CPA6: variants seen among roughly 807,000 people sequenced by gnomAD.
CPA6 encodes the protein carboxypeptidase A6.
Under a neutral mutation model 63.3 loss-of-function variants are expected in CPA6, and 58 were observed. The observed-to-expected ratio is 0.92, with a 90% CI of 0.74 to 1.14. The LOEUF is 1.14. Ranked by LOEUF, CPA6 falls within the 50% of genes most tolerant of loss-of-function variation. CPA6 has a pLI of 0.00. For missense variants in CPA6, 565 were observed against 526.6 expected, an observed-to-expected ratio of 1.07 and a Z score of -0.71; for synonymous variants, 185 against 179.0, an observed-to-expected ratio of 1.03 and a Z score of -0.27.
At chr8:67,616,802 T>C (rs569829189) in intron 2 of CPA6, among the ~76,000 whole-genome samples, 5 of 152,228 alleles carry the variant, frequency 3.3e-5, no homozygotes, top group African/African-American at 1.2e-4. Flanking sequence ...CCCAAGTAAA[T>C]AAGCCTATCC....
chr8:67,725,908 A>C (rs2129002383), intron 1 of CPA6, among the ~76,000 whole-genome samples: 1 of 152,350 alleles, frequency 6.6e-6, no homozygotes, highest in African/African-American at 2.4e-5. Context: ...AATTTTAGAT[A>C]TGTATGCTAC....
intron 1 of CPA6, among the ~76,000 whole-genome samples, chr8:67,681,296 G>A (rs1212045725): frequency 7.2e-6 from 1 of 139,448 alleles, no homozygotes; most frequent in East Asian, 2.1e-4. Flanking sequence ...TGCAAGCTCC[G>A]CTTCCCGGGT....
At chr8:67,665,385 A>G (rs1816203893) in intron 1 of CPA6, among the ~76,000 whole-genome samples, 3 of 152,216 alleles carry the variant, frequency 2.0e-5, no homozygotes, top group Non-Finnish European at 1.5e-5. Context: ...ATTGAGTAGT[A>G]TGACTCCAAC....
intron 2 of CPA6, among the ~76,000 whole-genome samples, chr8:67,623,270 C>T (rs1563365860): frequency 6.6e-6 from 1 of 152,174 alleles, no homozygotes; most frequent in Non-Finnish European, 1.5e-5. Flanking sequence ...AATAACAAAA[C>T]CATGTATTGA....
At chr8:67,450,799 T>C (rs906876671) in intron 8 of CPA6, among the ~76,000 whole-genome samples, 1 of 152,204 alleles carries the variant, frequency 6.6e-6, no homozygotes, top group Non-Finnish European at 1.5e-5. Flanking sequence ...TTTCTTTAGG[T>C]AAGCTTGGGG....
At chr8:67,497,498 T>C (rs974656606) in intron 6 of CPA6, among the ~76,000 whole-genome samples, 2 of 152,178 alleles carry the variant, frequency 1.3e-5, no homozygotes, top group Non-Finnish European at 1.5e-5. Flanking sequence ...TATTCATCAG[T>C]TGATGGCCAC....
At chr8:67,551,949 AG>A (rs1265903918) in intron 2 of CPA6, among the ~76,000 whole-genome samples, 2 of 152,232 alleles carry the variant, frequency 1.3e-5, no homozygotes, top group African/African-American at 4.8e-5. Flanking sequence ...TGAAATGGGC[AG>A]TGAAGAATTC....
chr8:67,721,825 A>G (rs1817506201), intron 1 of CPA6, among the ~76,000 whole-genome samples: 1 of 152,198 alleles, frequency 6.6e-6, no homozygotes, highest in Non-Finnish European at 1.5e-5. Flanking sequence ...TGTTGCCATT[A>G]TGTTTAGCCT....
chr8:67,542,303 G>A (rs1483037550), intron 2 of CPA6, among the ~76,000 whole-genome samples: 1 of 152,168 alleles, frequency 6.6e-6, no homozygotes, highest in Non-Finnish European at 1.5e-5. Flanking sequence ...TTTTACAACA[G>A]TTTTGAAGAC....
intron 2 of CPA6, among the ~76,000 whole-genome samples, chr8:67,550,030 A>T (rs1278839256): frequency 6.6e-6 from 1 of 152,154 alleles, no homozygotes; most frequent in East Asian, 1.9e-4. Flanking sequence ...ATCATTTGAT[A>T]GTTCTATTGT....
At chr8:67,490,614 G>A (rs1447880931) in intron 6 of CPA6, among the ~76,000 whole-genome samples, 2 of 152,064 alleles carry the variant, frequency 1.3e-5, no homozygotes, top group Admixed American at 6.6e-5. Context: ...GAACTGATTG[G>A]GGCATTTCTG....
intron 1 of CPA6, among the ~76,000 whole-genome samples, chr8:67,709,772 A>G (rs905044029): frequency 6.6e-6 from 1 of 152,232 alleles, no homozygotes; most frequent in African/African-American, 2.4e-5. Context: ...AGGGCAGGAC[A>G]TCTTGAAGTA....
intron 1 of CPA6, among the ~76,000 whole-genome samples, chr8:67,631,849 T>G (rs1184627311): frequency 6.6e-6 from 1 of 151,828 alleles, no homozygotes; most frequent in Non-Finnish European, 1.5e-5. Flanking sequence ...CGTGCCACCT[T>G]AAGAGCTGTA....
chr8:67,502,628 C>T (rs1811851185), intron 6 of CPA6, among the ~76,000 whole-genome samples: 1 of 152,156 alleles, frequency 6.6e-6, no homozygotes. Flanking sequence ...CTATACATTT[C>T]CCTCTCAGCA....
chr8:67,695,601 AG>A (rs1220891297), intron 1 of CPA6, among the ~76,000 whole-genome samples: 1 of 152,240 alleles, frequency 6.6e-6, no homozygotes, highest in Non-Finnish European at 1.5e-5. Context: ...CAGCAAAATA[AG>A]TGTGGCAACT....
chr8:67,446,279 A>G (rs1245182938), intron 8 of CPA6, among the ~76,000 whole-genome samples: 2 of 151,488 alleles, frequency 1.3e-5, no homozygotes, highest in Non-Finnish European at 2.9e-5. Flanking sequence ...AAAAAAAAAA[A>G]GTAGTCATTT....
intron 1 of CPA6, among the ~76,000 whole-genome samples, chr8:67,630,918 G>A (rs960755031): frequency 2.0e-5 from 3 of 152,240 alleles, no homozygotes; most frequent in African/African-American, 7.2e-5. Context: ...CCGGCCCACT[G>A]GTGCCATGCT....
At chr8:67,569,111 C>T (rs776154624) in intron 2 of CPA6, among the ~76,000 whole-genome samples, 7 of 152,114 alleles carry the variant, frequency 4.6e-5, no homozygotes, top group Non-Finnish European at 7.4e-5. Context: ...AAGAAGGTAA[C>T]ATCCAGGTAC....
intron 2 of CPA6, among the ~76,000 whole-genome samples, chr8:67,604,445 G>A (rs771318839): frequency 1.3e-5 from 2 of 152,076 alleles, no homozygotes; most frequent in East Asian, 1.9e-4. Flanking sequence ...TTCCCTGACC[G>A]GTCATTCCAT....
Sources: gnomAD v4.1 joint callset for allele counts (sites outside exome capture counted in the v4.1 genomes callset) on GRCh38, gnomAD v4.1.1 for gene constraint, MANE v1.5 for transcripts, NCBI Gene and HGNC (gene_info 2026-07-23, HGNC 2026-07-21) for gene names.